Variants in EYS observed in about 807,000 individuals in gnomAD.
The protein encoded by EYS is EGF-like photoreceptor maintenance factor.
A neutral mutation model predicts 282.1 loss-of-function variants in EYS; 250 were observed. The ratio of observed to expected loss-of-function variants is 0.89; its 90% confidence interval spans 0.80 to 0.98. The LOEUF (loss-of-function observed/expected upper bound fraction) is 0.98. EYS is among the 50% of genes least tolerant of loss of function. EYS has a pLI of 0.00. For missense variants in EYS, 4,016 were observed against 3,709.0 expected, an observed-to-expected ratio of 1.08 and a Z score of -2.15; for synonymous variants, 1,355 against 1,282.9, an observed-to-expected ratio of 1.06 and a Z score of -1.20.
chr6:65,464,351 G>C (rs963349256), intron 5 of EYS, among the ~76,000 whole-genome samples: 1 of 152,008 alleles, frequency 6.6e-6, no homozygotes, highest in Non-Finnish European at 1.5e-5. Context: ...GTTAAATTTT[G>C]TTTACTACAG....
chr6:65,531,078 A>G (rs1220989316), intron 2 of EYS, among the ~76,000 whole-genome samples: 1 of 152,158 alleles, frequency 6.6e-6, no homozygotes, highest in Admixed American at 6.5e-5. Context: ...TTACGGCACA[A>G]TGGAAAGTGT....
chr6:65,099,701 A>G (rs764868289), intron 12 of EYS, among the ~76,000 whole-genome samples: 2 of 150,750 alleles, frequency 1.3e-5, no homozygotes, highest in Non-Finnish European at 3.0e-5. Context: ...ATGTTTAAGT[A>G]TGTGGGATGG....
intron 12 of EYS, among the ~76,000 whole-genome samples, chr6:65,088,062 C>T (rs1164590434): frequency 6.6e-6 from 1 of 152,142 alleles, no homozygotes; most frequent in African/African-American, 2.4e-5. Context: ...TCTCCTTTGT[C>T]CTCTGCTATT....
At chr6:65,448,206 T>C (rs958989798) in intron 5 of EYS, among the ~76,000 whole-genome samples, 2 of 152,032 alleles carry the variant, frequency 1.3e-5, no homozygotes, top group African/African-American at 4.8e-5. Flanking sequence ...CTTTTCCAAG[T>C]GCCTCCATCA....
intron 37 of EYS, among the ~76,000 whole-genome samples, chr6:63,804,865 G>C (rs1478825744): frequency 6.6e-6 from 1 of 152,206 alleles, no homozygotes; most frequent in Non-Finnish European, 1.5e-5. Flanking sequence ...AGACCAGTCA[G>C]GAAGAGGTCA....
intron 26 of EYS, among the ~76,000 whole-genome samples, chr6:64,497,312 A>T (rs1300290086): frequency 1.3e-5 from 2 of 152,202 alleles, no homozygotes; most frequent in Admixed American, 1.3e-4. Flanking sequence ...AAGCCAATTT[A>T]AAAGAAGCAT....
At chr6:64,270,649 A>G (rs549946150) in intron 30 of EYS, among the ~76,000 whole-genome samples, 1 of 152,292 alleles carries the variant, frequency 6.6e-6, no homozygotes, top group Non-Finnish European at 1.5e-5. Context: ...AATAGCTGAT[A>G]AAGAATATAT....
intron 12 of EYS, among the ~76,000 whole-genome samples, chr6:65,176,002 A>G (rs977074416): frequency 4.0e-5 from 6 of 151,660 alleles, no homozygotes; most frequent in Middle Eastern, 3.4e-3. Flanking sequence ...TGATATATGT[A>G]ATACATTGTG....
chr6:65,574,510 T>TA (rs917193317), intron 2 of EYS, among the ~76,000 whole-genome samples: 5 of 151,904 alleles, frequency 3.3e-5, no homozygotes, highest in Non-Finnish European at 5.9e-5. Flanking sequence ...AAACTTTAAG[T>TA]AAAAAACTCT....
At chr6:65,011,520 C>T (rs905630430) in intron 13 of EYS, among the ~76,000 whole-genome samples, 1 of 152,114 alleles carries the variant, frequency 6.6e-6, no homozygotes, top group South Asian at 2.1e-4. Flanking sequence ...TTGAAGACAC[C>T]CCTCCCGAGG....
intron 41 of EYS, among the ~76,000 whole-genome samples, chr6:63,758,914 T>C (rs778692483): frequency 6.6e-6 from 1 of 152,056 alleles, no homozygotes; most frequent in Admixed American, 6.6e-5. Flanking sequence ...TGAGGGGAAG[T>C]AGCAACCAAG....
Position 64,717,095 on chromosome 6 carries a change from C to G in EYS, c.3444-90850G>C, listed in dbSNP as rs182742457. Among the ~76,000 whole-genome samples, 138 of 152,108 alleles carry G rather than the reference C, an allele frequency of 9.1e-4. 2 individuals are homozygous for G. The highest frequency in any genetic ancestry group is 3.2e-3 in the African/African-American group (133 of 41,466). On this transcript the variant is annotated intron_variant, in intron 22 of 42. Coordinates refer to ENST00000503581, the MANE Select transcript of EYS (RefSeq NM_001142800.2). ...GGCTAGGGTTAGCTTGTGGGTTTAC[C>G]AAAACCGTGACTGAGACAAGTGCAT...
chr6:65,227,833 T>C (rs1189226526), intron 12 of EYS, among the ~76,000 whole-genome samples: 1 of 151,988 alleles, frequency 6.6e-6, no homozygotes, highest in Middle Eastern at 3.2e-3. Flanking sequence ...AGGACAGATA[T>C]TGTTTGATTC....
At chr6:64,694,902 T>C (rs1048028103) in intron 22 of EYS, among the ~76,000 whole-genome samples, 1 of 152,094 alleles carries the variant, frequency 6.6e-6, no homozygotes, top group African/African-American at 2.4e-5. Flanking sequence ...TTGCTGCCAG[T>C]GTCAGGCTGT....
intron 22 of EYS, among the ~76,000 whole-genome samples, chr6:64,678,706 C>G (rs1490623227): frequency 2.0e-5 from 3 of 152,060 alleles, no homozygotes; most frequent in Non-Finnish European, 4.4e-5. Flanking sequence ...CATTTTGAGG[C>G]CTGCACAGTG....
Position 65,150,407 on chromosome 6 carries a change from G to T in EYS, c.2024-92680C>A, listed in dbSNP as rs183669871. On this transcript the variant is annotated intron_variant, in intron 12 of 42. Transcript: ENST00000503581. ...ATGAAGATGACTTATTTTCTACCAA[G>T]ATATCTATGCCCAATTACATCCACA... Among the ~76,000 whole-genome samples, 569 of 151,866 alleles carry T rather than the reference G, an allele frequency of 3.7e-3. 5 individuals are homozygous for T. The highest frequency in any genetic ancestry group is 6.9e-3 in the Middle Eastern group (2 of 290).
chr6:64,715,639 T>C (rs1771363976), intron 22 of EYS, among the ~76,000 whole-genome samples: 1 of 152,182 alleles, frequency 6.6e-6, no homozygotes, highest in South Asian at 2.1e-4. Context: ...AAAGCTGAGA[T>C]AGGTGATGAT....
At chr6:63,739,859 ATTT>A (rs34240759) in intron 41 of EYS, among the ~76,000 whole-genome samples, 8 of 123,512 alleles carry the variant, frequency 6.5e-5, no homozygotes, top group Admixed American at 8.2e-5. Context: ...ACGCCCAGCT[ATTT>A]TTTTTTTTTT....
intron 35 of EYS, among the ~76,000 whole-genome samples, chr6:63,934,615 A>T (rs1402590724): frequency 1.3e-5 from 2 of 152,106 alleles, no homozygotes; most frequent in Non-Finnish European, 2.9e-5. Context: ...TGGATGAAGC[A>T]GGAAACCATC....
Sources: gnomAD v4.1 joint callset for allele counts (sites outside exome capture counted in the v4.1 genomes callset) on GRCh38, gnomAD v4.1.1 for gene constraint, MANE v1.5 for transcripts, NCBI Gene and HGNC (gene_info 2026-07-23, HGNC 2026-07-21) for gene names.